Variants in UBAP2 observed in about 807,000 individuals in gnomAD.
The protein encoded by UBAP2 is ubiquitin associated protein 2, also known as ubiquitin-associated protein 2.
In UBAP2, 75 loss-of-function variants were observed where a neutral mutation model predicts 139.6. That is an observed-to-expected ratio of 0.54 (90% confidence interval 0.45 to 0.65). UBAP2 has a LOEUF of 0.65. UBAP2 is among the 30% of genes least tolerant of loss of function. The pLI is 0.00. For missense variants in UBAP2, 1,368 were observed against 1,369.6 expected (o/e 1.00, Z 0.02); for synonymous variants, 526 against 526.2 (o/e 1.00, Z 0.01).
intron 19 of UBAP2, among the ~76,000 whole-genome samples, chr9:33,931,105 A>G (rs1487047524): frequency 6.6e-6 from 1 of 152,202 alleles, no homozygotes; most frequent in African/African-American, 2.4e-5. Flanking sequence ...TGAACAACAC[A>G]GGCTTGAAAT....
intron 1 of UBAP2, among the ~76,000 whole-genome samples, chr9:34,022,575 A>G (rs542500645): frequency 6.0e-5 from 9 of 151,128 alleles, no homozygotes; most frequent in African/African-American, 2.2e-4. Flanking sequence ...AGCTGGGACT[A>G]TAGGTATGTG....
At chr9:33,993,502 C>T (rs1210585901) in intron 4 of UBAP2, among the ~76,000 whole-genome samples, 2 of 152,134 alleles carry the variant, frequency 1.3e-5, no homozygotes, top group African/African-American at 4.8e-5. Context: ...GACCCCCTAA[C>T]TCTACAAAAT....
Position 33,922,889 on chromosome 9 carries a change from A to G in UBAP2, c.3073-11T>C. On this transcript the variant is annotated splice_polypyrimidine_tract_variant and intron_variant, in intron 27 of 28. Transcript: ENST00000379238. ...CTGCTTGTCAAAAGTCTACAGGGCA[A>G]AGAAGACAATGGTGAAGGTCAGGTT... 1 of 1,609,850 alleles carries G rather than the reference A, an allele frequency of 6.2e-7. No homozygotes were observed. The highest frequency in any genetic ancestry group is 8.5e-7 in the Non-Finnish European group (1 of 1,177,214).
chr9:33,988,870 C>T (rs1009153079), intron 5 of UBAP2, 103 bp downstream of exon 5: 41 of 1,256,470 alleles, frequency 3.3e-5, no homozygotes, highest in African/African-American at 4.5e-5. Flanking sequence ...GAAAGCTGAG[C>T]GCAGTGACTC....
chr9:33,941,835 C>A lies in UBAP2; in HGVS notation c.1743G>T (p.Met581Ile). 2 of 1,612,396 alleles carry A rather than the reference C, an allele frequency of 1.2e-6. No homozygotes were observed. Among genetic ancestry groups the A allele is most frequent in the South Asian group, 2.2e-5 (2 of 90,978 alleles). ...ATGTGGAGTTCTGTACTGCACTGGT[C>A]ATTGATAAAGATGTATTCAAAGGCT... is the stretch of plus-strand genomic sequence containing the variant. ...LSEPLNTSLSMTSAVQNSTYT... is the reference protein window; with the variant it reads ...LSEPLNTSLSITSAVQNSTYT... The change falls in exon 16 of 29, where the codon ATG becomes ATT. Residue 581 changes from methionine to isoleucine, a missense_variant. Transcript: ENST00000379238.
At chr9:34,019,361 CCA>C (rs1212738591) in intron 1 of UBAP2, among the ~76,000 whole-genome samples, 1 of 152,042 alleles carries the variant, frequency 6.6e-6, no homozygotes, top group African/African-American at 2.4e-5. Context: ...CAAGGTAGTG[CCA>C]CTGCACTCCA....
At position 33,981,119 on chromosome 9, in the gene UBAP2, T is replaced by TATATATATATTCTGG. The variant is rs1564044310; in HGVS notation, c.520+5640_520+5641insCCAGAATATATATAT. 6.4e-4 allele frequency among the ~76,000 whole-genome samples: 5 copies of TATATATATATTCTGG among 7,798 alleles called. 1 individual carries two copies. The highest frequency in any genetic ancestry group is 4.3e-3 in the Admixed American group (2 of 468). The allele number at this position is 7,798 out of a possible 152,430, so 5.1% of individuals were successfully genotyped here. A position where few individuals can be genotyped will look rare whatever the true frequency, so the allele number is the denominator to read the frequency against. ...TATATTCTGGATATATATATATATA[T>TATATATATATTCTGG]ATATATATATATATATATTCTGGAT... On this transcript the variant is annotated intron_variant, in intron 6 of 28. Transcript: ENST00000379238.
At chr9:34,006,372 C>T (rs1044089280) in intron 2 of UBAP2, among the ~76,000 whole-genome samples, 6 of 151,884 alleles carry the variant, frequency 4.0e-5, no homozygotes, top group African/African-American at 9.7e-5. Flanking sequence ...CAATGCTTTG[C>T]GCAAGAAAAA....
At chr9:34,044,583 A>C (rs1456170880) in intron 1 of UBAP2, among the ~76,000 whole-genome samples, 1 of 151,582 alleles carries the variant, frequency 6.6e-6, no homozygotes, top group Non-Finnish European at 1.5e-5. Flanking sequence ...TAAAAGAAGA[A>C]GCCAGGTGTG....
Position 33,932,616 on chromosome 9 carries a change from G to T in UBAP2, c.2121C>A (p.Ser707Arg), listed in dbSNP as rs193140869. ...CATGTGCAGAGAGGCTGCTCTGGTG[G>T]CTGGAGAGCGAACTAGAAGACAAAA... is the stretch of plus-strand genomic sequence containing the variant. ...PLSQLSSSLS[S>R]HQSSLSAHAA... Residue 707 changes from serine to arginine, a missense_variant, in exon 19 of 29, where the codon AGC (serine) becomes AGA (arginine). Coordinates refer to ENST00000379238, the MANE Select transcript of UBAP2 (RefSeq NM_001370062.2). The T allele has an allele frequency of 1.9e-6, 3 of 1,614,058 alleles. No individual in the cohort carries two copies. In the Admixed American group the frequency reaches 5.0e-5, roughly 27 times the overall value.
intron 8 of UBAP2, chr9:33,968,173 A>G: frequency 1.7e-6 from 1 of 605,466 alleles, no homozygotes; most frequent in Non-Finnish European, 3.2e-6. Context: ...GAAGAAATCT[A>G]CTGGGTTTTG....
At chr9:34,038,783 A>G (rs1826716359) in intron 1 of UBAP2, among the ~76,000 whole-genome samples, 1 of 135,840 alleles carries the variant, frequency 7.4e-6, no homozygotes, top group Non-Finnish European at 1.6e-5. Flanking sequence ...CCTGCTGCCC[A>G]GACTGGGAAG....
intron 16 of UBAP2, among the ~76,000 whole-genome samples, chr9:33,936,311 T>C (rs1824509181): frequency 6.6e-6 from 1 of 152,098 alleles, no homozygotes; most frequent in South Asian, 2.1e-4. Flanking sequence ...AGGTAACTTT[T>C]TGAGATGGTG....
chr9:33,960,797 A>G, intron 10 of UBAP2, 29 bp downstream of exon 10: 1 of 1,577,590 alleles, frequency 6.3e-7, no homozygotes, highest in South Asian at 1.2e-5. Flanking sequence ...AAAAAAAAAG[A>G]AAGGTCTCAT....
chr9:34,022,407 C>A (rs1564067552), intron 1 of UBAP2, among the ~76,000 whole-genome samples: 1 of 150,742 alleles, frequency 6.6e-6, no homozygotes, highest in African/African-American at 2.4e-5. Flanking sequence ...CAGTTCAAAT[C>A]CAGGCTAGGC....
intron 1 of UBAP2, among the ~76,000 whole-genome samples, chr9:34,041,387 C>T (rs1206780765): frequency 6.6e-6 from 1 of 150,904 alleles, no homozygotes; most frequent in Non-Finnish European, 1.5e-5. Context: ...ATTGCTTGAA[C>T]CCAGGAGGCA....
chr9:34,022,102 G>A (rs548603988), intron 1 of UBAP2, among the ~76,000 whole-genome samples: 25 of 152,116 alleles, frequency 1.6e-4, no homozygotes, highest in South Asian at 4.1e-4. Flanking sequence ...AAAATTAGCC[G>A]GGCATGGTGG....
intron 1 of UBAP2, among the ~76,000 whole-genome samples, chr9:34,040,381 A>G (rs947764210): frequency 2.0e-4 from 31 of 151,968 alleles, no homozygotes; most frequent in Non-Finnish European, 3.5e-4. Flanking sequence ...CCAGCCAACT[A>G]GAAGACTAAA....
At chr9:33,924,683 A>C (rs925349805) in intron 22 of UBAP2, among the ~76,000 whole-genome samples, 1 of 152,296 alleles carries the variant, frequency 6.6e-6, no homozygotes. Context: ...ACAGAAGTGC[A>C]GGGGCCTGAA....
Sources: gnomAD v4.1 joint callset for allele counts (sites outside exome capture counted in the v4.1 genomes callset) on GRCh38, gnomAD v4.1.1 for gene constraint, MANE v1.5 for transcripts, NCBI Gene and HGNC (gene_info 2026-07-23, HGNC 2026-07-21) for gene names.